Variants in SAMM50 observed in about 807,000 individuals in gnomAD.
SAMM50 encodes the protein SAMM50 sorting and assembly machinery component, also known as sorting and assembly machinery component 50 homolog.
A neutral mutation model predicts 66.9 loss-of-function variants in SAMM50; 47 were observed. The observed-to-expected ratio is 0.70, with a 90% CI of 0.56 to 0.90. SAMM50 has a LOEUF of 0.90. Ranked by LOEUF, SAMM50 falls within the 40% of genes least tolerant of loss-of-function variation. The pLI, the probability that SAMM50 is intolerant of heterozygous loss-of-function variation, is 0.00. For missense variants in SAMM50, 535 were observed against 595.3 expected (o/e 0.90, Z 1.05); for synonymous variants, 191 against 214.1 (o/e 0.89, Z 0.94).
intron 14 of SAMM50, among the ~76,000 whole-genome samples, chr22:43,991,614 T>C (rs1014518116): frequency 6.6e-6 from 1 of 152,188 alleles, no homozygotes; most frequent in African/African-American, 2.4e-5. Context: ...CATTATAGTG[T>C]ATCTCGGTCA....
intron 14 of SAMM50, among the ~76,000 whole-genome samples, chr22:43,991,172 T>G (rs1018783409): frequency 1.3e-5 from 2 of 152,088 alleles, no homozygotes; most frequent in Non-Finnish European, 2.9e-5. Flanking sequence ...GAGACAGGGT[T>G]TCACCATGTT....
At chr22:43,977,758 A>T in intron 9 of SAMM50, 114 bp from the exon 10 acceptor site, 1 of 666,644 alleles carries the variant, frequency 1.5e-6, no homozygotes, top group Non-Finnish European at 2.6e-6. Context: ...AATTTTCTGT[A>T]GCCTTTAAAA....
At chr22:43,972,198 A>G in intron 4 of SAMM50, 38 bp from the exon 5 acceptor site, 1 of 1,332,764 alleles carries the variant, frequency 7.5e-7, no homozygotes, top group Non-Finnish European at 1.0e-6. Context: ...GTAAAATAAC[A>G]TCCTGGCTGT....
At chr22:43,980,812 T>TG (rs2050261056) in intron 10 of SAMM50, among the ~76,000 whole-genome samples, 1 of 152,202 alleles carries the variant, frequency 6.6e-6, no homozygotes, top group Admixed American at 6.5e-5. Context: ...AGCCTCTACC[T>TG]GGTTGAGGAC....
intron 1 of SAMM50, among the ~76,000 whole-genome samples, chr22:43,962,914 T>TTTTTTG (rs2050154167): frequency 7.3e-6 from 1 of 137,288 alleles, no homozygotes; most frequent in African/African-American, 2.9e-5. Context: ...TTTTTTTTTT[T>TTTTTTG]AGAGATGGGG....
Position 43,955,541 on chromosome 22 carries a change from CG to C in SAMM50, c.-34del, listed in dbSNP as rs1569022086. The stretch of plus-strand genomic sequence containing the variant: ...TCAGCAGCAGACGCTCTGTCCCGCC[CG>C]GGCAGCTCTGCGAGGCAGCGGCTGG... On this transcript the variant is annotated 5_prime_UTR_variant, in exon 1 of 15. Transcript: ENST00000350028. The C allele has an allele frequency of 3.1e-6, 5 of 1,591,482 alleles. No homozygotes were observed. Among genetic ancestry groups the C allele is most frequent in the Admixed American group, 3.5e-5 (2 of 57,094 alleles).
intron 3 of SAMM50, 53 bp from the exon 4 acceptor site, chr22:43,968,678 G>A (rs1416714292): frequency 7.7e-7 from 1 of 1,300,232 alleles, no homozygotes; most frequent in African/African-American, 1.5e-5. Flanking sequence ...GCCATTTGCT[G>A]TTTCTGTATC....
chr22:43,986,821 C>T (rs978441508), intron 12 of SAMM50: 6 of 152,244 alleles, frequency 3.9e-5, no homozygotes, highest in Admixed American at 6.5e-5. Flanking sequence ...CCAAAGTGCT[C>T]ATATTACAGG....
rs149653531 is a variant in SAMM50, at chr22:43,962,578, G to A, written c.22-708G>A. ...GAGCATATGCAGTTCCCTTTAATGT[G>A]AATGAGACTTTCTGAAATGAAAAAA... On this transcript the variant is annotated intron_variant, in intron 1 of 14. Transcript: ENST00000350028. Among the ~76,000 whole-genome samples the A allele has an allele frequency of 3.0e-3, 461 of 152,248 alleles. 1 individual carries two copies. The highest frequency in any genetic ancestry group is 0.011 in the African/African-American group (443 of 41,544).
At chr22:43,977,251 G>A (rs12168029) in intron 9 of SAMM50, among the ~76,000 whole-genome samples, 1,822 of 152,272 alleles carry the variant, frequency 0.012, 42 homozygotes, top group African/African-American at 0.042. Flanking sequence ...TGTTGGAGGC[G>A]GGCTGTTAGT....
intron 14 of SAMM50, among the ~76,000 whole-genome samples, chr22:43,994,551 A>C (rs1242804305): frequency 6.6e-6 from 1 of 152,208 alleles, no homozygotes; most frequent in African/African-American, 2.4e-5. Flanking sequence ...CTCCAGCCTC[A>C]GAGTCCAAGT....
intron 4 of SAMM50, among the ~76,000 whole-genome samples, chr22:43,969,554 G>A (rs1188674337): frequency 4.6e-5 from 7 of 152,202 alleles, no homozygotes; most frequent in Non-Finnish European, 1.0e-4. Flanking sequence ...TCGCTATGTT[G>A]TGCTGTAAGA....
At chr22:43,974,170 T>C (rs186939992) in intron 7 of SAMM50, among the ~76,000 whole-genome samples, 405 of 152,260 alleles carry the variant, frequency 2.7e-3, no homozygotes, top group African/African-American at 9.6e-3. Context: ...ACCTCAGCTG[T>C]GGGCTTGTTA....
intron 3 of SAMM50, among the ~76,000 whole-genome samples, chr22:43,966,578 A>T (rs999290224): frequency 2.0e-5 from 3 of 149,998 alleles, no homozygotes; most frequent in African/African-American, 7.4e-5. Context: ...CTCGATTTGA[A>T]CTCCTGACCT....
chr22:43,975,964 A>T, intron 7 of SAMM50, 91 bp from the exon 8 acceptor site: 1 of 1,343,422 alleles, frequency 7.4e-7, no homozygotes, highest in Non-Finnish European at 1.0e-6. Context: ...TATTTAGTTC[A>T]TTGTTTCATG....
chr22:43,979,902 T>C (rs1569031864), intron 10 of SAMM50, among the ~76,000 whole-genome samples: 1 of 150,510 alleles, frequency 6.6e-6, no homozygotes, highest in Non-Finnish European at 1.5e-5. Flanking sequence ...TTTTTTCAGT[T>C]GTTTCCTTGG....
In SAMM50 at chr22:43,964,605, G is replaced by A. The variant is rs764808332; in HGVS notation, c.234+52G>A. ...TTTCCCAGTCTCTTCTGAAGAACTC[G>A]TAAATGTCCCCATGTGAAACCACAG... On this transcript the variant is annotated intron_variant, in intron 3 of 14. Transcript: ENST00000350028. 2.4e-5 allele frequency: 24 copies of A among 988,692 alleles called. No homozygotes were observed. The East Asian group carries it at 4.9e-4, about 20-fold the overall frequency. The allele number at this position is 988,692 out of a possible 1,614,324, so 61.2% of individuals were successfully genotyped here. A position where few individuals can be genotyped will look rare whatever the true frequency, so the allele number is the denominator to read the frequency against.
intron 10 of SAMM50, among the ~76,000 whole-genome samples, chr22:43,980,935 G>A (rs536703641): frequency 2.0e-3 from 311 of 152,326 alleles, no homozygotes; most frequent in African/African-American, 7.1e-3. Context: ...TTGGGAGTGC[G>A]TCTCTGCATT....
chr22:43,965,597 G>A (rs1229757862), intron 3 of SAMM50, among the ~76,000 whole-genome samples: 5 of 152,196 alleles, frequency 3.3e-5, no homozygotes, highest in African/African-American at 7.2e-5. Flanking sequence ...GTATTGAAAT[G>A]AAAAGGACAA....
Sources: gnomAD v4.1 joint callset for allele counts (sites outside exome capture counted in the v4.1 genomes callset) on GRCh38, gnomAD v4.1.1 for gene constraint, MANE v1.5 for transcripts, NCBI Gene and HGNC (gene_info 2026-07-23, HGNC 2026-07-21) for gene names.